SYT16: variants seen among roughly 807,000 people sequenced by gnomAD.
SYT16 encodes the protein synaptotagmin-16.
SYT16 carries 42 observed loss-of-function variants against 61.4 expected under a neutral mutation model. That is an observed-to-expected ratio of 0.68 (90% CI 0.53 to 0.89). The LOEUF (loss-of-function observed/expected upper bound fraction) is 0.89, where lower values mean the gene tolerates loss of function less well. SYT16 is among the 40% of genes least tolerant of loss of function. The pLI is 0.00. For synonymous variants in SYT16, 314 were observed against 302.3 expected (o/e 1.04, Z -0.40); for missense variants, 804 against 807.3 (o/e 1.00, Z 0.05).
intron 1 of SYT16, chr14:61,865,030 C>A: frequency 7.1e-7 from 1 of 1,412,042 alleles, no homozygotes; most frequent in Non-Finnish European, 1.0e-6. Flanking sequence ...GAGGGCATTT[C>A]TGCTGTATTC....
At chr14:62,054,573 G>A (rs962610857) in intron 3 of SYT16, among the ~76,000 whole-genome samples, 1 of 151,850 alleles carries the variant, frequency 6.6e-6, no homozygotes. Context: ...TGTTGCCCAG[G>A]CTGGTTTCAA....
intron 1 of SYT16, among the ~76,000 whole-genome samples, chr14:61,862,879 C>T (rs2047008600): frequency 6.6e-6 from 1 of 152,162 alleles, no homozygotes; most frequent in Non-Finnish European, 1.5e-5. Context: ...AGGATATAAC[C>T]TTTTCAGATT....
Position 61,826,924 on chromosome 14 carries a change from T to C in SYT16, c.-325+14114T>C, listed in dbSNP as rs531448480. ...CCGGTGGCACCTTCTTTCCGTGTCC[T>C]TACCAGGGTGGAGGAGAGAAAGCTC... On this transcript the variant is annotated intron_variant, in intron 1 of 7. Coordinates refer to ENST00000683842, the MANE Select transcript of SYT16 (RefSeq NM_001367656.1). 1.7e-3 allele frequency among the ~76,000 whole-genome samples: 259 copies of C among 152,076 alleles called. 1 individual carries two copies. The highest frequency in any genetic ancestry group is 2.2e-3 in the Non-Finnish European group (149 of 68,028).
intron 3 of SYT16, among the ~76,000 whole-genome samples, chr14:62,056,430 G>A (rs10147026): frequency 2.6e-5 from 4 of 152,016 alleles, no homozygotes; most frequent in African/African-American, 9.7e-5. Context: ...TAGCATTGTT[G>A]GTTATAAAAG....
rs535247391 is a variant in SYT16, at chr14:62,022,880, T to A, written c.523+26338T>A. ...TTTTAGTTATAGAATACTTTTAAGT[T>A]CTAGATTTTCCATTTGAGTCCCCTT... On this transcript the variant is annotated intron_variant, in intron 3 of 7. Coordinates refer to ENST00000683842, the MANE Select transcript of SYT16 (RefSeq NM_001367656.1). Among the ~76,000 whole-genome samples, 45 of 152,226 alleles carry A rather than the reference T, an allele frequency of 3.0e-4. No individual in the cohort carries two copies. The South Asian group carries it at 9.3e-3, about 32-fold the overall frequency.
chr14:61,856,114 T>A (rs1028699341), intron 1 of SYT16, among the ~76,000 whole-genome samples: 1 of 152,182 alleles, frequency 6.6e-6, no homozygotes, highest in Admixed American at 6.5e-5. Flanking sequence ...AGAGAAATGA[T>A]GGACAGCCAG....
At chr14:62,074,194 A>G (rs373070020) in intron 4 of SYT16, among the ~76,000 whole-genome samples, 82 of 152,178 alleles carry the variant, frequency 5.4e-4, no homozygotes, top group African/African-American at 5.5e-4. Context: ...ATCTGAGGAC[A>G]CTCTTGACAT....
At chr14:61,955,315 A>C (rs1424414167) in intron 1 of SYT16, among the ~76,000 whole-genome samples, 2 of 152,098 alleles carry the variant, frequency 1.3e-5, no homozygotes, top group Non-Finnish European at 2.9e-5. Context: ...CATAAAATCT[A>C]TCCTTTTAGC....
chr14:62,047,637 G>A (rs539174638), intron 3 of SYT16, among the ~76,000 whole-genome samples: 1 of 147,964 alleles, frequency 6.8e-6, no homozygotes, highest in Non-Finnish European at 1.5e-5. Context: ...TTATTATTTT[G>A]AGATATGTCC....
intron 1 of SYT16, among the ~76,000 whole-genome samples, chr14:61,844,320 T>C (rs1179894756): frequency 6.6e-6 from 1 of 152,200 alleles, no homozygotes; most frequent in African/African-American, 2.4e-5. Flanking sequence ...TAAGATCATA[T>C]CATCCACAAA....
At chr14:61,874,848 A>G (rs1474024089) in intron 1 of SYT16, among the ~76,000 whole-genome samples, 2 of 151,558 alleles carry the variant, frequency 1.3e-5, no homozygotes, top group African/African-American at 4.9e-5. Flanking sequence ...GTGCCAAATG[A>G]TGGAATGTAT....
intron 2 of SYT16, among the ~76,000 whole-genome samples, chr14:61,979,918 C>A (rs556983006): frequency 6.6e-6 from 1 of 152,064 alleles, no homozygotes; most frequent in Non-Finnish European, 1.5e-5. Context: ...TAGTTTTTGA[C>A]GGTCTATAGA....
chr14:61,889,776 C>A (rs2048052695), intron 1 of SYT16, among the ~76,000 whole-genome samples: 1 of 152,080 alleles, frequency 6.6e-6, no homozygotes, highest in Non-Finnish European at 1.5e-5. Flanking sequence ...TTCCAGCTTG[C>A]AGAATCGTGA....
intron 4 of SYT16, among the ~76,000 whole-genome samples, chr14:62,071,908 A>G (rs1331460014): frequency 6.6e-6 from 1 of 152,200 alleles, no homozygotes; most frequent in Non-Finnish European, 1.5e-5. Context: ...ATCTTAAGTG[A>G]AATCCTTCAT....
At chr14:61,893,852 C>T (rs1019548783) in intron 1 of SYT16, among the ~76,000 whole-genome samples, 1 of 152,234 alleles carries the variant, frequency 6.6e-6, no homozygotes, top group African/African-American at 2.4e-5. Flanking sequence ...CCCGATTCTG[C>T]ATCTTCTGAT....
At position 61,953,860 on chromosome 14, in the gene SYT16, G is replaced by T. The variant is rs565820549; in HGVS notation, c.-324-16272G>T. ...TGGTCCTTAGGGAAGTGGATTCCTG[G>T]AGGAGAATGTAGTCATGCTGAAGCA... On this transcript the variant is annotated intron_variant, in intron 1 of 7. Transcript: ENST00000683842. Among the ~76,000 whole-genome samples, 3 of 152,260 alleles carry T rather than the reference G, an allele frequency of 2.0e-5. No homozygotes were observed. The East Asian group carries it at 5.8e-4, about 29-fold the overall frequency.
At position 61,975,881 on chromosome 14, in the gene SYT16, T is replaced by G. The variant is rs145355995; in HGVS notation, c.-145+5570T>G. On this transcript the variant is annotated intron_variant, in intron 2 of 7. Coordinates refer to ENST00000683842, the MANE Select transcript of SYT16 (RefSeq NM_001367656.1). ...GCCTTCCCAACAGTCCCCCAAAGTC[T>G]TAATTCATTTCAGCATTAATTCAAA... is the stretch of plus-strand genomic sequence containing the variant. Among the ~76,000 whole-genome samples, 3 of 152,300 alleles carry G rather than the reference T, an allele frequency of 2.0e-5. No homozygotes were observed. The East Asian group carries it at 5.8e-4, about 29-fold the overall frequency.
chr14:62,085,199 A>C (rs1206188024), intron 7 of SYT16, among the ~76,000 whole-genome samples: 1 of 152,216 alleles, frequency 6.6e-6, no homozygotes, highest in Non-Finnish European at 1.5e-5. Context: ...ATGCTGTTAA[A>C]AAGTTAGCTT....
intron 1 of SYT16, among the ~76,000 whole-genome samples, chr14:61,949,582 G>A (rs1168809446): frequency 1.3e-5 from 2 of 152,134 alleles, no homozygotes; most frequent in African/African-American, 4.8e-5. Flanking sequence ...TCAGCTTCCT[G>A]AGTAGCTGAG....
Sources: allele counts gnomAD v4.1 joint callset (sites outside exome capture counted in the v4.1 genomes callset), GRCh38; gene constraint gnomAD v4.1.1; transcripts MANE v1.5; gene names NCBI Gene and HGNC (gene_info 2026-07-23, HGNC 2026-07-21).